The following RPS6KA2 variants were observed in gnomAD, a reference collection of about 807,000 sequenced individuals.
RPS6KA2 encodes the protein ribosomal protein S6 kinase alpha-2.
A neutral mutation model predicts 91.8 loss-of-function variants in RPS6KA2; 42 were observed. That is an observed-to-expected ratio of 0.46 (90% confidence interval 0.36 to 0.59). The LOEUF (loss-of-function observed/expected upper bound fraction) is 0.59. RPS6KA2 is among the 20% of genes least tolerant of loss of function. The pLI, the probability that RPS6KA2 is intolerant of heterozygous loss-of-function variation, is 0.00. For synonymous variants in RPS6KA2, 414 were observed against 393.6 expected (o/e 1.05, Z -0.61); for missense variants, 798 against 978.5 (o/e 0.82, Z 2.46).
rs1192304109 is a variant in RPS6KA2, at chr6:166,495,241, G to A, written c.747+3267C>T. On this transcript the variant is annotated intron_variant, in intron 8 of 20. Transcript: ENST00000265678. This position sits in a 1 kb window ranked among gnomAD's most constrained non-coding sequence, Gnocchi z 4.4. ...TTGGGTTGAGATCAAATGTGAAGATGGCCAGGCAGCCTTAGCTTGTGGTCA... is the reference window on the plus strand; with the variant it reads ...TTGGGTTGAGATCAAATGTGAAGATAGCCAGGCAGCCTTAGCTTGTGGTCA... Among the ~76,000 whole-genome samples the A allele has an allele frequency of 6.6e-6, 1 of 151,988 alleles. No homozygotes were observed. The highest frequency in any genetic ancestry group is 1.9e-4 in the East Asian group (1 of 5,194).
intron 1 of RPS6KA2, chr6:166,862,090 G>T (rs1486823395): frequency 2.5e-6 from 4 of 1,614,044 alleles, no homozygotes; most frequent in Non-Finnish European, 3.4e-6. Flanking sequence ...TGAAAAGTGC[G>T]TTCTCTCCTG....
rs1338733933 is a variant in RPS6KA2, at chr6:166,625,323, A to AC, written c.99+1597dup. On this transcript the variant is annotated intron_variant, in intron 1 of 20. Transcript: ENST00000265678. ...AGAAACCTCGTTTCCTATTCCCACC[A>AC]CCCCCCCACCCCCCCCCCCGCTTGT... Among the ~76,000 whole-genome samples the AC allele has an allele frequency of 8.5e-3, 258 of 30,366 alleles. 3 individuals carry two copies. The highest frequency in any genetic ancestry group is 0.011 in the South Asian group (7 of 646). 19.9% of individuals were successfully genotyped at this position (30,366 alleles called of 152,430 possible). A position where few individuals can be genotyped will look rare whatever the true frequency, so the allele number is the denominator to read the frequency against.
intron 3 of RPS6KA2, among the ~76,000 whole-genome samples, chr6:166,513,455 G>C (rs1400752504): frequency 1.3e-5 from 2 of 152,196 alleles, no homozygotes; most frequent in African/African-American, 4.8e-5. Context: ...AAAAGACCTT[G>C]GGGAGCATGC....
At chr6:166,638,167 C>T (rs1787309212) in intron 2 of RPS6KA2, among the ~76,000 whole-genome samples, 1 of 152,258 alleles carries the variant, frequency 6.6e-6, no homozygotes, top group South Asian at 2.1e-4. Context: ...CTAGAGGAAT[C>T]TGCATTAGAG....
intron 20 of RPS6KA2, among the ~76,000 whole-genome samples, 175 bp from the exon 21 acceptor site, chr6:166,413,062 TGGGCCCCAGGAGACAG>T (rs1350876781): frequency 6.6e-6 from 1 of 152,006 alleles, no homozygotes; most frequent in African/African-American, 2.4e-5. Flanking sequence ...CCAGCACACG[TGGGCCCCAGGAGACAG>T]GGGCCCTGTC....
intron 2 of RPS6KA2, among the ~76,000 whole-genome samples, chr6:166,660,359 C>A (rs537971030): frequency 7.7e-6 from 1 of 129,530 alleles, no homozygotes; most frequent in Non-Finnish European, 1.7e-5. Flanking sequence ...TGTGTGCGTG[C>A]GTGTGTGCAT....
intron 2 of RPS6KA2, among the ~76,000 whole-genome samples, chr6:166,832,027 G>GATAC (rs1780197680): frequency 6.9e-6 from 1 of 145,144 alleles, no homozygotes; most frequent in African/African-American, 2.6e-5. Context: ...TACATGTATA[G>GATAC]ATGATACATG....
chr6:166,538,559 C>T (rs1016719560), intron 2 of RPS6KA2, 109 bp downstream of exon 2: 35 of 657,026 alleles, frequency 5.3e-5, no homozygotes, highest in Non-Finnish European at 8.2e-5. Flanking sequence ...TTCCCGTGAT[C>T]GCAGCCCTGC....
At chr6:166,785,311 G>A (rs1344738181) in intron 2 of RPS6KA2, among the ~76,000 whole-genome samples, 1 of 152,232 alleles carries the variant, frequency 6.6e-6, no homozygotes, top group Non-Finnish European at 1.5e-5. Context: ...TGCCAAGGCA[G>A]GTCACCCAGT....
intron 2 of RPS6KA2, among the ~76,000 whole-genome samples, chr6:166,810,258 T>C (rs921842841): frequency 3.3e-5 from 5 of 152,016 alleles, no homozygotes; most frequent in African/African-American, 9.7e-5. Context: ...CAATTCAAGA[T>C]GAGATTTTGG....
At chr6:166,664,521 CCA>C (rs142099699) in intron 2 of RPS6KA2, among the ~76,000 whole-genome samples, 20 of 152,206 alleles carry the variant, frequency 1.3e-4, no homozygotes, top group Middle Eastern at 3.4e-3. Flanking sequence ...ATGGAGGAAT[CCA>C]CACACACACA....
At chr6:166,475,725 T>G (rs947249757) in intron 10 of RPS6KA2, 3 of 523,390 alleles carry the variant, frequency 5.7e-6, no homozygotes, top group African/African-American at 2.0e-5. Context: ...AGAACTCTTT[T>G]GAACGAAGAC....
intron 2 of RPS6KA2, among the ~76,000 whole-genome samples, chr6:166,705,474 G>A (rs1417575507): frequency 6.6e-6 from 1 of 152,172 alleles, no homozygotes; most frequent in Non-Finnish European, 1.5e-5. Context: ...CTTGGTAAAG[G>A]CTACATTACA....
chr6:166,701,434 G>T, intron 2 of RPS6KA2: 1 of 1,211,766 alleles, frequency 8.3e-7, no homozygotes, highest in Non-Finnish European at 1.2e-6. Context: ...TCTTCCCTGA[G>T]CCTTGAACCG....
chr6:166,706,718 AAGCCCCGTG>A (rs1479229549), intron 2 of RPS6KA2, among the ~76,000 whole-genome samples: 1 of 152,226 alleles, frequency 6.6e-6, no homozygotes, highest in African/African-American at 2.4e-5. Flanking sequence ...GGGGGAAGTA[AAGCCCCGTG>A]CCAACTGTCT....
intron 11 of RPS6KA2, chr6:166,463,550 C>T (rs1216179281): frequency 2.6e-5 from 4 of 152,112 alleles, no homozygotes; most frequent in Admixed American, 1.3e-4. Context: ...TGAGGAAGCC[C>T]GGAGCAGGCC....
At chr6:166,507,121 T>G (rs1050145304) in intron 5 of RPS6KA2, among the ~76,000 whole-genome samples, 5 of 152,012 alleles carry the variant, frequency 3.3e-5, no homozygotes, top group Non-Finnish European at 7.4e-5. Context: ...GCCCCAATGT[T>G]CAGCCGGCTT....
chr6:166,550,814 A>G (rs987355276), intron 1 of RPS6KA2, among the ~76,000 whole-genome samples: 15 of 152,136 alleles, frequency 9.9e-5, no homozygotes, highest in East Asian at 3.9e-4. Flanking sequence ...CATCCTGGCT[A>G]ACACGGTGAA....
intron 2 of RPS6KA2, among the ~76,000 whole-genome samples, chr6:166,855,338 AGAAGAC>A (rs1780858914): frequency 1.7e-5 from 1 of 59,004 alleles, no homozygotes; most frequent in Admixed American, 2.2e-4. Context: ...TAAAAGACGA[AGAAGAC>A]GAAGAAGACA....
Sources: allele counts gnomAD v4.1 joint callset (sites outside exome capture counted in the v4.1 genomes callset), GRCh38; gene constraint gnomAD v4.1.1; non-coding constraint Gnocchi (gnomAD v3.1); transcripts MANE v1.5; gene names NCBI Gene and HGNC (gene_info 2026-07-23, HGNC 2026-07-21).